The following SYTL2 variants were observed in gnomAD, a reference collection of about 807,000 sequenced individuals.
SYTL2 encodes the protein synaptotagmin like 2.
Under a neutral mutation model 198.7 loss-of-function variants are expected in SYTL2, and 165 were observed. The ratio of observed to expected loss-of-function variants is 0.83; its 90% CI spans 0.73 to 0.94. The LOEUF is 0.94. Ranked by LOEUF, SYTL2 falls within the 40% of genes least tolerant of loss-of-function variation. The pLI, the probability that SYTL2 is intolerant of heterozygous loss-of-function variation, is 0.00. For synonymous variants in SYTL2, 966 were observed against 917.7 expected (o/e 1.05, Z -0.95); for missense variants, 2,835 against 2,582.8 (o/e 1.10, Z -2.12).
chr11:85,757,567 AT>A (rs1400693901), intron 2 of SYTL2, 57 bp downstream of exon 2: 6 of 1,591,562 alleles, frequency 3.8e-6, no homozygotes, highest in African/African-American at 2.7e-5. Context: ...CCAGTGTCCT[AT>A]TTTCGTACAG....
chr11:85,791,529 T>C (rs974173445), intron 1 of SYTL2, among the ~76,000 whole-genome samples: 16 of 152,236 alleles, frequency 1.1e-4, no homozygotes, highest in Admixed American at 9.2e-4. Flanking sequence ...AGGATTGGGA[T>C]GATGAACTCT....
chr11:85,786,228 G>A (rs1348571610), intron 1 of SYTL2, among the ~76,000 whole-genome samples: 1 of 152,180 alleles, frequency 6.6e-6, no homozygotes, highest in Non-Finnish European at 1.5e-5. Flanking sequence ...ACAGATTAGT[G>A]GTTGATAGGG....
At chr11:85,707,286 A>C (rs2085327259) in intron 15 of SYTL2, 143 bp downstream of exon 15, 1 of 596,788 alleles carries the variant, frequency 1.7e-6, no homozygotes, top group African/African-American at 1.9e-5. Context: ...GTTTTGTCTC[A>C]AACAAAACAG....
intron 4 of SYTL2, among the ~76,000 whole-genome samples, chr11:85,741,023 T>C (rs2090745833): frequency 6.6e-6 from 1 of 152,110 alleles, no homozygotes; most frequent in Non-Finnish European, 1.5e-5. Flanking sequence ...TCACCAGCCT[T>C]TCTCTCTACA....
chr11:85,733,594 G>GTTTTTTTTTTTT (rs11383912), intron 7 of SYTL2: 1 of 106,260 alleles, frequency 9.4e-6, no homozygotes, highest in Non-Finnish European at 1.8e-5. Context: ...TTTTTTTTTT[G>GTTTTTTTTTTTT]TTTTTTTTTT....
chr11:85,713,761 G>T (rs2086707857), intron 12 of SYTL2, among the ~76,000 whole-genome samples: 1 of 152,180 alleles, frequency 6.6e-6, no homozygotes, highest in African/African-American at 2.4e-5. Flanking sequence ...GGTACTCAAT[G>T]AATAGTAAAT....
chr11:85,789,269 G>A (rs140355640), intron 1 of SYTL2, among the ~76,000 whole-genome samples: 1 of 135,282 alleles, frequency 7.4e-6, no homozygotes, highest in Admixed American at 7.6e-5. Context: ...GCTGATGTAT[G>A]TGTGTGTGTG....
In SYTL2 at chr11:85,725,660, G is replaced by T; in HGVS notation, c.3698C>A (p.Ala1233Glu). The change falls in exon 8 of 20, where the codon GCG becomes GAG. Residue 1233 changes from alanine to glutamate, a missense_variant. Transcript: ENST00000359152. ...AGAGTTGGTTCCAGTGATAACAGGC[G>T]CCAACTTGGCTTGCAAGGGAGAGGG... is the stretch of plus-strand genomic sequence containing the variant. ...TSPSPLQAKL[A>E]PVITGTNSKL... 1 of 1,613,976 alleles carries T rather than the reference G, an allele frequency of 6.2e-7. No homozygotes were observed. Among genetic ancestry groups the T allele is most frequent in the Non-Finnish European group, 8.5e-7 (1 of 1,179,996 alleles).
chr11:85,746,612 G>A (rs1028933140), intron 3 of SYTL2, among the ~76,000 whole-genome samples: 1 of 152,178 alleles, frequency 6.6e-6, no homozygotes, highest in African/African-American at 2.4e-5. Flanking sequence ...ATGAAGCAGT[G>A]CTGGAGCTTC....
chr11:85,723,459 C>G (rs183656144), intron 8 of SYTL2, among the ~76,000 whole-genome samples: 67 of 152,334 alleles, frequency 4.4e-4, no homozygotes, highest in African/African-American at 1.4e-3. Context: ...TATTTTGTCC[C>G]TAGCATTTAG....
rs955886217 is a variant in SYTL2, at chr11:85,694,361, A to G, written c.*834T>C. 2.6e-5 allele frequency: 4 copies of G among 152,260 alleles called. No individual in the cohort carries two copies. Among genetic ancestry groups the G allele is most frequent in the Non-Finnish European group, 4.4e-5 (3 of 68,044 alleles). The allele number at this position is 152,260 out of a possible 1,614,324, so 9.4% of individuals were successfully genotyped here. A position where few individuals can be genotyped will look rare whatever the true frequency, so the allele number is the denominator to read the frequency against. On this transcript the variant is annotated 3_prime_UTR_variant, in exon 20 of 20. Transcript: ENST00000359152. ...ATTTTACATACATAAGAAGAACAGTATAACTGAGCAACTTACATTCTAATT... is the reference window on the plus strand; with the variant it reads ...ATTTTACATACATAAGAAGAACAGTGTAACTGAGCAACTTACATTCTAATT...
chr11:85,783,728 C>G (rs921399058), intron 1 of SYTL2, among the ~76,000 whole-genome samples: 1 of 152,122 alleles, frequency 6.6e-6, no homozygotes, highest in Non-Finnish European at 1.5e-5. Flanking sequence ...CAGTTAACTG[C>G]TAGTAATGGC....
At chr11:85,828,732 G>A in the SYTL2 span, among the ~76,000 whole-genome samples, 53 of 152,298 alleles carry the variant, frequency 3.5e-4, no homozygotes, top group African/African-American at 1.2e-3. Context: ...CAGAGTCAAT[G>A]CCATTTAATA....
At chr11:85,704,401 T>C (rs2084807940) in intron 16 of SYTL2, among the ~76,000 whole-genome samples, 1 of 151,942 alleles carries the variant, frequency 6.6e-6, no homozygotes, top group South Asian at 2.1e-4. Flanking sequence ...ATAATAAAAC[T>C]AAAAGGAGAA....
chr11:85,737,385 A>G (rs778218086), intron 5 of SYTL2, among the ~76,000 whole-genome samples, 190 bp downstream of exon 5: 3 of 152,210 alleles, frequency 2.0e-5, no homozygotes, highest in Non-Finnish European at 4.4e-5. Context: ...ATGACATGGT[A>G]TCCATCCACT....
chr11:85,711,097 G>A lies in SYTL2; in HGVS notation c.5745+16C>T. The stretch of plus-strand genomic sequence containing the variant: ...AGACGCGGAGAGATATTAATATGGA[G>A]CCTTTGTTTACATACAGAAGACAAG... On this transcript the variant is annotated intron_variant, in intron 13 of 19. Coordinates refer to ENST00000359152, the MANE Select transcript of SYTL2 (RefSeq NM_206927.4). The A allele has an allele frequency of 6.2e-7, 1 of 1,613,334 alleles. No individual in the cohort carries two copies. Among genetic ancestry groups the A allele is most frequent in the South Asian group, 1.1e-5 (1 of 90,998 alleles).
upstream of SYTL2, among the ~76,000 whole-genome samples, chr11:85,815,200 A>G (rs750801983): frequency 2.0e-5 from 3 of 152,208 alleles, no homozygotes; most frequent in Non-Finnish European, 2.9e-5. Context: ...TTTTGCCACA[A>G]TGAAAAAGTA....
chr11:85,843,242 C>G, the SYTL2 span, among the ~76,000 whole-genome samples: 5 of 152,148 alleles, frequency 3.3e-5, no homozygotes, highest in South Asian at 2.1e-4. Context: ...CTGACACACT[C>G]TTGAAATCCC....
rs1400628315 is a variant in SYTL2, at chr11:85,724,886, T to C, written c.4472A>G (p.Lys1491Arg). ...AGCACTGAATTCGAGGAACTCTGAT[T>C]TGGGTTGAACAATTGTTTCCCTCAC... ...EIVRETIVQP[K>R]SEFLEFSAGL... Residue 1491 changes from lysine to arginine, a missense_variant, in exon 8 of 20, where the codon AAA becomes AGA. Lys to Arg is a conservative substitution (Grantham distance 26). Around this residue, in one of 3 missense-constraint regions of SYTL2, gnomAD observed 2,645 missense variants for 2,381.7 expected, o/e 1.11. Transcript: ENST00000359152. The C allele has an allele frequency of 2.5e-6, 4 of 1,614,148 alleles. No individual in the cohort carries two copies. The highest frequency in any genetic ancestry group is 1.7e-5 in the Admixed American group (1 of 60,014).
Sources: gnomAD v4.1 joint callset for allele counts (sites outside exome capture counted in the v4.1 genomes callset) on GRCh38, gnomAD v4.1.1 for gene constraint, gnomAD v4.1.1 regional missense constraint, MANE v1.5 for transcripts, NCBI Gene and HGNC (gene_info 2026-07-23, HGNC 2026-07-21) for gene names.